The following RASGRF1 variants were observed in gnomAD, a reference collection of about 807,000 sequenced individuals.
RASGRF1 encodes ras-specific guanine nucleotide-releasing factor 1.
A neutral mutation model predicts 138.7 loss-of-function variants in RASGRF1; 40 were observed. The ratio of observed to expected loss-of-function variants is 0.29; its 90% CI spans 0.22 to 0.38. The LOEUF (loss-of-function observed/expected upper bound fraction) is 0.38. RASGRF1 is among the 10% of genes least tolerant of loss of function. RASGRF1 has a pLI of 1.00. For synonymous variants in RASGRF1, 614 were observed against 663.2 expected, an observed-to-expected ratio of 0.93 and a Z score of 1.14; for missense variants, 1,108 against 1,650.4, an observed-to-expected ratio of 0.67 and a Z score of 5.69.
intron 1 of RASGRF1, among the ~76,000 whole-genome samples, chr15:79,089,473 T>C (rs557690766): frequency 1.5e-3 from 234 of 152,306 alleles, no homozygotes; most frequent in African/African-American, 5.4e-3. Context: ...CGCAGCGCTA[T>C]AGCCGCGACT....
intron 1 of RASGRF1, among the ~76,000 whole-genome samples, chr15:79,078,458 T>A (rs2057869900): frequency 1.3e-5 from 2 of 152,152 alleles, no homozygotes; most frequent in Admixed American, 1.3e-4. Context: ...AGCACATTAT[T>A]CCCAAGTCAG....
In RASGRF1 at chr15:79,059,966, A is replaced by T. The variant is rs1179605061; in HGVS notation, c.384-1485T>A. Reference sequence around the variant, plus strand: ...AGCCAGTGTCTCCACTGATACACTCACACACACACACACACAGACACACAG... The same window carrying T: ...AGCCAGTGTCTCCACTGATACACTCTCACACACACACACACAGACACACAG... On this transcript the variant is annotated intron_variant, in intron 2 of 26. Coordinates refer to ENST00000558480, the MANE Select transcript of RASGRF1 (RefSeq NM_001145648.3). 3.6e-3 allele frequency among the ~76,000 whole-genome samples: 42 copies of T among 11,774 alleles called. No homozygotes were observed. In the East Asian group the frequency reaches 0.15, roughly 41 times the overall value. 7.7% of individuals were successfully genotyped at this position (11,774 alleles called of 152,430 possible).
intron 5 of RASGRF1, among the ~76,000 whole-genome samples, chr15:79,037,760 A>G (rs1567558886): frequency 1.3e-5 from 2 of 152,044 alleles, no homozygotes; most frequent in Non-Finnish European, 2.9e-5. Context: ...TGCCTGGCCT[A>G]TTTCTTTTAT....
At chr15:79,057,222 C>G (rs931540867) in intron 3 of RASGRF1, among the ~76,000 whole-genome samples, 5 of 150,982 alleles carry the variant, frequency 3.3e-5, no homozygotes, top group African/African-American at 1.2e-4. Context: ...ACAGCCATCC[C>G]TGCTGCAGGC....
At chr15:79,036,789 A>G (rs2057228880) in intron 5 of RASGRF1, among the ~76,000 whole-genome samples, 1 of 151,988 alleles carries the variant, frequency 6.6e-6, no homozygotes, top group Non-Finnish European at 1.5e-5. Context: ...GGGAGATAAG[A>G]GAGGAAGGGA....
At chr15:79,089,861 G>C (rs778320193) in intron 1 of RASGRF1, among the ~76,000 whole-genome samples, 12 of 152,174 alleles carry the variant, frequency 7.9e-5, no homozygotes, top group Non-Finnish European at 1.2e-4. Flanking sequence ...TGGGAGTGGG[G>C]GTTGGGAGCA....
intron 1 of RASGRF1, among the ~76,000 whole-genome samples, chr15:79,075,873 A>G (rs2057826216): frequency 6.6e-6 from 1 of 152,220 alleles, no homozygotes; most frequent in African/African-American, 2.4e-5. Context: ...TCTGACAAAC[A>G]GGCCCAACAA....
intron 26 of RASGRF1, among the ~76,000 whole-genome samples, chr15:78,968,217 G>A (rs2055680628): frequency 7.0e-6 from 1 of 143,498 alleles, no homozygotes; most frequent in Non-Finnish European, 1.5e-5. Flanking sequence ...CCCAGCCTGT[G>A]TGTTTTAGTC....
intron 15 of RASGRF1, among the ~76,000 whole-genome samples, 199 bp from the exon 16 acceptor site, chr15:79,001,986 C>T (rs572037091): frequency 1.3e-5 from 2 of 152,340 alleles, no homozygotes; most frequent in East Asian, 3.9e-4. Context: ...CACTGTCGAT[C>T]TCCAAGGTGG....
chr15:78,971,119 G>T (rs1014807287), intron 26 of RASGRF1, among the ~76,000 whole-genome samples: 4 of 152,130 alleles, frequency 2.6e-5, no homozygotes, highest in African/African-American at 9.7e-5. Context: ...AACTCTTCCA[G>T]GATTCTCCTA....
chr15:79,017,343 G>T (rs999938959), intron 12 of RASGRF1, among the ~76,000 whole-genome samples: 1 of 152,154 alleles, frequency 6.6e-6, no homozygotes, highest in Non-Finnish European at 1.5e-5. Context: ...CCGTTCTCTC[G>T]CTGTGAACAT....
At chr15:78,990,040 G>A in intron 22 of RASGRF1, 149 bp downstream of exon 22, 1 of 699,770 alleles carries the variant, frequency 1.4e-6, no homozygotes, top group Non-Finnish European at 2.6e-6. Flanking sequence ...GAGGCAACCA[G>A]CCCGAGGCCA....
chr15:78,983,202 C>T (rs2056074613), intron 23 of RASGRF1, among the ~76,000 whole-genome samples: 2 of 152,240 alleles, frequency 1.3e-5, no homozygotes, highest in South Asian at 4.1e-4. Context: ...CTCCTGGGGC[C>T]AGGTGCTGTG....
At chr15:79,065,524 G>C (rs1487552336) in intron 1 of RASGRF1, among the ~76,000 whole-genome samples, 1 of 152,080 alleles carries the variant, frequency 6.6e-6, no homozygotes, top group East Asian at 1.9e-4. Flanking sequence ...GAGAGTCATA[G>C]ACTGGGCTGG....
intron 11 of RASGRF1, among the ~76,000 whole-genome samples, chr15:79,019,060 C>T (rs2056921452): frequency 6.7e-6 from 1 of 149,222 alleles, no homozygotes; most frequent in Non-Finnish European, 1.5e-5. Flanking sequence ...AGGGTGTGTG[C>T]ATGAGGGCGT....
intron 1 of RASGRF1, among the ~76,000 whole-genome samples, chr15:79,074,501 C>A (rs1009953188): frequency 2.0e-5 from 3 of 152,232 alleles, no homozygotes; most frequent in Non-Finnish European, 2.9e-5. Context: ...AGGGCCAGTA[C>A]CCTATGTGGA....
In RASGRF1 at chr15:79,041,886, C is replaced by A. The variant is rs374823020; in HGVS notation, c.878+4860G>T. On this transcript the variant is annotated intron_variant, in intron 5 of 26. Coordinates refer to ENST00000558480, the MANE Select transcript of RASGRF1 (RefSeq NM_001145648.3). ...GAATTGATTGTGGCATGCTCCCCTG[C>A]TGAACCTCATCATTCCCTCAGCTCA... Among the ~76,000 whole-genome samples the A allele has an allele frequency of 1.6e-4, 24 of 152,338 alleles. No individual in the cohort carries two copies. In the South Asian group the frequency reaches 1.9e-3, roughly 12 times the overall value.
At chr15:79,009,605 G>A (rs2141738263) in intron 13 of RASGRF1, among the ~76,000 whole-genome samples, 1 of 152,282 alleles carries the variant, frequency 6.6e-6, no homozygotes, top group South Asian at 2.1e-4. Context: ...CACCGGAAGG[G>A]GAAGAGAAAG....
At chr15:79,003,259 G>A (rs2071676617) in intron 15 of RASGRF1, among the ~76,000 whole-genome samples, 1 of 152,218 alleles carries the variant, frequency 6.6e-6, no homozygotes, top group African/African-American at 2.4e-5. Flanking sequence ...AGTTCTTCCG[G>A]GAAGCCTTCT....
Sources: allele counts gnomAD v4.1 joint callset (sites outside exome capture counted in the v4.1 genomes callset), GRCh38; gene constraint gnomAD v4.1.1; transcripts MANE v1.5; gene names NCBI Gene and HGNC (gene_info 2026-07-23, HGNC 2026-07-21).